Variants in RAB3C observed in about 807,000 individuals in gnomAD.
RAB3C encodes the protein RAB3C, member RAS oncogene family.
A neutral mutation model predicts 26.4 loss-of-function variants in RAB3C; 17 were observed. The ratio of observed to expected loss-of-function variants is 0.64; its 90% CI spans 0.44 to 0.97. The LOEUF (loss-of-function observed/expected upper bound fraction) is 0.97, where lower values mean the gene tolerates loss of function less well. Among genes scored for constraint, RAB3C ranks in the 50% least tolerant of loss-of-function variants. The pLI, the probability that RAB3C is intolerant of heterozygous loss-of-function variation, is 0.00. For missense variants in RAB3C, 242 were observed against 281.9 expected (o/e 0.86, Z 1.01); for synonymous variants, 91 against 95.9 (o/e 0.95, Z 0.30).
chr5:58,779,983 T>C (rs1452710139), intron 3 of RAB3C, among the ~76,000 whole-genome samples: 1 of 151,744 alleles, frequency 6.6e-6, no homozygotes. Context: ...TGTGGAAAAA[T>C]GGAAAGGACT....
At chr5:58,787,134 C>A (rs1416024109) in intron 3 of RAB3C, among the ~76,000 whole-genome samples, 1 of 152,238 alleles carries the variant, frequency 6.6e-6, no homozygotes, top group East Asian at 1.9e-4. Context: ...CCACACATCT[C>A]CGGATGATAC....
At chr5:58,625,190 G>A (rs1361303524) in intron 2 of RAB3C, among the ~76,000 whole-genome samples, 2 of 151,982 alleles carry the variant, frequency 1.3e-5, no homozygotes, top group Admixed American at 6.6e-5. Context: ...AATTGCTCTC[G>A]ACCAGCCACT....
chr5:58,825,673 G>A (rs1281193099), intron 4 of RAB3C, among the ~76,000 whole-genome samples: 7 of 152,040 alleles, frequency 4.6e-5, no homozygotes, highest in African/African-American at 1.2e-4. Flanking sequence ...ATCATAGCCC[G>A]TGCCTATTTA....
At chr5:58,586,733 C>CAA (rs142380444) in intron 1 of RAB3C, among the ~76,000 whole-genome samples, 1 of 149,260 alleles carries the variant, frequency 6.7e-6, no homozygotes, top group Non-Finnish European at 1.5e-5. Context: ...AGCAGAGTGC[C>CAA]AAAAAAAAAT....
chr5:58,747,925 T>C (rs1741434120), intron 3 of RAB3C, among the ~76,000 whole-genome samples: 1 of 152,090 alleles, frequency 6.6e-6, no homozygotes, highest in Admixed American at 6.6e-5. Flanking sequence ...TTGATTCTTT[T>C]AGGCATTTAA....
rs577949649 is a variant in RAB3C, at chr5:58,754,345, G to A, written c.371+28225G>A. On this transcript the variant is annotated intron_variant, in intron 3 of 4. Coordinates refer to ENST00000282878, the MANE Select transcript of RAB3C (RefSeq NM_138453.4). ...CTGGATATCATTGTCGGAAGGGCAC[G>A]CTCCTTACTTTGGGGGCTGAGTCTT... Among the ~76,000 whole-genome samples the A allele has an allele frequency of 1.3e-4, 17 of 134,014 alleles. 1 individual carries two copies. The highest frequency in any genetic ancestry group is 8.5e-5 in the Non-Finnish European group (5 of 59,144). The allele number at this position is 134,014 out of a possible 152,430, so 87.9% of individuals were successfully genotyped here.
intron 3 of RAB3C, among the ~76,000 whole-genome samples, chr5:58,729,457 C>T (rs139372269): frequency 1.0e-3 from 152 of 151,942 alleles, no homozygotes; most frequent in Middle Eastern, 6.8e-3. Flanking sequence ...TCTGTCTCTA[C>T]GATTTTAACT....
upstream of RAB3C, chr5:58,582,342 G>GC: frequency 1.0e-6 from 1 of 963,146 alleles, no homozygotes. Context: ...CCTACGTAGA[G>GC]CCCTAACCTC....
intron 3 of RAB3C, among the ~76,000 whole-genome samples, chr5:58,754,420 T>G (rs1012686353): frequency 6.6e-6 from 1 of 152,166 alleles, no homozygotes; most frequent in Non-Finnish European, 1.5e-5. Flanking sequence ...TTGCATATAT[T>G]AGGCATTAGG....
intron 1 of RAB3C, among the ~76,000 whole-genome samples, chr5:58,601,185 G>C (rs1216428242): frequency 2.0e-5 from 3 of 152,108 alleles, no homozygotes; most frequent in Non-Finnish European, 4.4e-5. Flanking sequence ...TGCATATCTG[G>C]TATGAAACCC....
chr5:58,846,524 T>A (rs960550024), intron 4 of RAB3C, among the ~76,000 whole-genome samples: 4 of 151,994 alleles, frequency 2.6e-5, no homozygotes, highest in African/African-American at 9.7e-5. Flanking sequence ...GATTACAGGA[T>A]TGTGGCACCA....
chr5:58,611,507 T>C (rs1442217875), intron 1 of RAB3C, among the ~76,000 whole-genome samples: 3 of 152,180 alleles, frequency 2.0e-5, no homozygotes, highest in Non-Finnish European at 2.9e-5. Context: ...TTTCATGTGT[T>C]TGTTGGCCAC....
intron 3 of RAB3C, among the ~76,000 whole-genome samples, chr5:58,802,112 T>C (rs1027135347): frequency 1.8e-4 from 5 of 27,228 alleles, no homozygotes; most frequent in Non-Finnish European, 3.1e-4. Flanking sequence ...ATTTAGAAGT[T>C]TTTTTTAATC....
At position 58,616,012 on chromosome 5, in the gene RAB3C, C is replaced by CA. The variant is rs1185970070; in HGVS notation, c.25-1631_25-1630insA. Among the ~76,000 whole-genome samples, 15 of 107,568 alleles carry CA rather than the reference C, an allele frequency of 1.4e-4. 1 individual carries two copies. In the South Asian group the frequency reaches 5.0e-3, roughly 36 times the overall value. The allele number at this position is 107,568 out of a possible 152,430, so 70.6% of individuals were successfully genotyped here. ...CACACACACACACACACACACACAC[C>CA]CCTGACTTCAGGTAACCAGTGTTGT... On this transcript the variant is annotated intron_variant, in intron 1 of 4. Coordinates refer to ENST00000282878, the MANE Select transcript of RAB3C (RefSeq NM_138453.4).
intron 3 of RAB3C, among the ~76,000 whole-genome samples, chr5:58,749,074 A>T (rs572948666): frequency 6.6e-6 from 1 of 152,274 alleles, no homozygotes; most frequent in East Asian, 1.9e-4. Flanking sequence ...TCAAACATAA[A>T]CATTAATTTG....
At chr5:58,597,110 A>ATATAATACATTATATAT (rs1561260595) in intron 1 of RAB3C, among the ~76,000 whole-genome samples, 1 of 60 alleles carries the variant, frequency 0.017, no homozygotes, top group African/African-American at 0.036. Context: ...ATTATATAAT[A>ATATAATACATTATATAT]TATATAATAC....
At chr5:58,825,464 T>C (rs1185520552) in intron 4 of RAB3C, among the ~76,000 whole-genome samples, 1 of 152,222 alleles carries the variant, frequency 6.6e-6, no homozygotes, top group African/African-American at 2.4e-5. Context: ...TTTTTGGTTT[T>C]TTTCCCCCAT....
intron 2 of RAB3C, among the ~76,000 whole-genome samples, chr5:58,687,945 T>A (rs1748480280): frequency 6.6e-6 from 1 of 152,150 alleles, no homozygotes; most frequent in Non-Finnish European, 1.5e-5. Flanking sequence ...ATTCAACATT[T>A]CCTTCTCTAT....
chr5:58,841,964 A>C (rs572630132), intron 4 of RAB3C, among the ~76,000 whole-genome samples: 1 of 152,272 alleles, frequency 6.6e-6, no homozygotes, highest in African/African-American at 2.4e-5. Context: ...TGTGCCAGGC[A>C]TGTGATGTTA....
Sources: allele counts gnomAD v4.1 joint callset (sites outside exome capture counted in the v4.1 genomes callset), GRCh38; gene constraint gnomAD v4.1.1; transcripts MANE v1.5; gene names NCBI Gene and HGNC (gene_info 2026-07-23, HGNC 2026-07-21).